Variants in MISP observed in about 807,000 individuals in gnomAD.
The protein encoded by MISP is mitotic interactor and substrate of PLK1.
MISP carries 51 observed loss-of-function variants against 49.3 expected under a neutral mutation model. The observed-to-expected ratio is 1.03, with a 90% CI of 0.83 to 1.31. The LOEUF (loss-of-function observed/expected upper bound fraction) is 1.31, where lower values mean the gene tolerates loss of function less well. Among genes scored for constraint, MISP ranks in the 50% most tolerant of loss-of-function variants. MISP has a pLI of 0.00. For synonymous variants in MISP, 444 were observed against 392.6 expected (o/e 1.13, Z -1.55); for missense variants, 1,084 against 935.1 (o/e 1.16, Z -2.08).
chr19:749,784 A>C (rs935991840), upstream of MISP, among the ~76,000 whole-genome samples: 10 of 152,038 alleles, frequency 6.6e-5, no homozygotes, highest in African/African-American at 2.4e-4. Context: ...AGATCGTGCC[A>C]CTGCACTCCA....
At chr19:760,301 A>T in intron 3 of MISP, 1 of 404,890 alleles carries the variant, frequency 2.5e-6, no homozygotes, top group Non-Finnish European at 4.5e-6. Flanking sequence ...CAAAGACCAA[A>T]GGACCAACTC....
chr19:751,772 G>A (rs1018587490), intron 1 of MISP, among the ~76,000 whole-genome samples: 46 of 152,290 alleles, frequency 3.0e-4, no homozygotes, highest in African/African-American at 1.0e-3. Context: ...AGCGTCTGCC[G>A]GTGGAGCTCC....
Position 760,053 on chromosome 19 carries a change from C to G in MISP, c.1911+14C>G, listed in dbSNP as rs768255410. 6.2e-7 allele frequency: 1 copy of G among 1,613,206 alleles called. No homozygotes were observed. Among genetic ancestry groups the G allele is most frequent in the Non-Finnish European group, 8.5e-7 (1 of 1,179,540 alleles). ...AAGGAGCAATGGGTGAGTCTGGAAC[C>G]CGTCTCTGCAGAGGCCAGGCTGAGG... is the stretch of plus-strand genomic sequence containing the variant. On this transcript the variant is annotated intron_variant, in intron 3 of 4. Coordinates refer to ENST00000215582, the MANE Select transcript of MISP (RefSeq NM_173481.4).
In MISP at chr19:764,122, G is replaced by A. The variant is rs951921253; in HGVS notation, c.*532G>A. The A allele has an allele frequency of 6.5e-6, 1 of 153,614 alleles. No individual in the cohort carries two copies. The highest frequency in any genetic ancestry group is 2.4e-5 in the African/African-American group (1 of 41,462). The allele number at this position is 153,614 out of a possible 1,614,324, so 9.5% of individuals were successfully genotyped here. A position where few individuals can be genotyped will look rare whatever the true frequency, so the allele number is the denominator to read the frequency against. ...GAGGAGGCCAAACTCCCAGTGCTGG[G>A]GGTCCCTGTGCAGCCCTCAAACCCT... On this transcript the variant is annotated 3_prime_UTR_variant, in exon 5 of 5. Transcript: ENST00000215582.
intron 4 of MISP, 36 bp downstream of exon 4, chr19:761,699 T>TC (rs753051312): frequency 6.8e-6 from 11 of 1,611,798 alleles, no homozygotes; most frequent in East Asian, 4.5e-5. Context: ...CTCAAGTCTT[T>TC]CCCCCCCACA....
rs762452224 is a variant in MISP, at chr19:758,459, C to T, written c.1513C>T (p.Arg505Cys). Residue 505 changes from arginine (R) to cysteine (C), a missense_variant, in exon 2 of 5, where the codon CGC (arginine) becomes TGC (cysteine). By Grantham distance (180) the Arg-to-Cys change is radical. Transcript: ENST00000215582. ...GGGTGTCGTGCGGTGGGAGTACTTC[C>T]GCCTGCGTCCTCTGCGGTTCAGGGC... ...NRGVVRWEYF[R>C]LRPLRFRAPD... is the part of the protein sequence containing the mutation. The T allele has an allele frequency of 3.1e-5, 50 of 1,614,018 alleles. No homozygotes were observed. Among genetic ancestry groups the T allele is most frequent in the Admixed American group, 6.7e-5 (4 of 59,998 alleles).
At chr19:760,089 C>T in intron 3 of MISP, 50 bp downstream of exon 3, 1 of 1,605,930 alleles carries the variant, frequency 6.2e-7, no homozygotes, top group Non-Finnish European at 8.5e-7. Context: ...TCAGACAGCC[C>T]CTATTAGGGC....
At chr19:750,042 G>A (rs1235899244), upstream of MISP, among the ~76,000 whole-genome samples, 1 of 152,108 alleles carries the variant, frequency 6.6e-6, no homozygotes, top group East Asian at 1.9e-4. Flanking sequence ...CCAGTGGCCC[G>A]ACTTCCCCAC....
chr19:748,781 C>G (rs899104106), upstream of MISP, among the ~76,000 whole-genome samples: 2 of 152,232 alleles, frequency 1.3e-5, no homozygotes, highest in Non-Finnish European at 2.9e-5. Context: ...CAGCCCCACT[C>G]TCTCACGCTG....
At chr19:761,161 C>T (rs569831856) in intron 3 of MISP, among the ~76,000 whole-genome samples, 1 of 136,238 alleles carries the variant, frequency 7.3e-6, no homozygotes, top group South Asian at 2.6e-4. Context: ...ACGATCTTGG[C>T]TCACTGCAAC....
chr19:761,684 G>T, intron 4 of MISP, 21 bp downstream of exon 4: 1 of 1,613,906 alleles, frequency 6.2e-7, no homozygotes. Context: ...TCCTGGGCAC[G>T]AAGACTCAAG....
intron 3 of MISP, chr19:760,525 C>A (rs972055431): frequency 1.9e-5 from 3 of 154,668 alleles, no homozygotes; most frequent in Admixed American, 1.3e-4. Context: ...ACCACCACGC[C>A]CGGCTAATTT....
chr19:750,857 G>A (rs2033449890), upstream of MISP, among the ~76,000 whole-genome samples: 1 of 152,194 alleles, frequency 6.6e-6, no homozygotes, highest in Admixed American at 6.5e-5. Context: ...GGCGGTGGGA[G>A]GGCCAGGCAG....
chr19:752,670 G>A (rs1018300893), intron 1 of MISP, among the ~76,000 whole-genome samples: 1 of 132,676 alleles, frequency 7.5e-6, no homozygotes, highest in South Asian at 2.6e-4. Flanking sequence ...AGGAGGATGC[G>A]TGCCTTCATC....
chr19:751,778 G>A (rs537279832), intron 1 of MISP, among the ~76,000 whole-genome samples: 1 of 152,302 alleles, frequency 6.6e-6, no homozygotes, highest in Admixed American at 6.5e-5. Flanking sequence ...TGCCGGTGGA[G>A]CTCCGCCCAG....
intron 1 of MISP, 110 bp from the exon 2 acceptor site, chr19:756,780 A>G (rs2033556403): frequency 1.6e-6 from 1 of 621,284 alleles, no homozygotes; most frequent in Non-Finnish European, 2.8e-6. Flanking sequence ...CCATCCCTAA[A>G]CCAATCACAA....
At chr19:754,280 T>C (rs527719079) in intron 1 of MISP, among the ~76,000 whole-genome samples, 12 of 152,238 alleles carry the variant, frequency 7.9e-5, no homozygotes, top group East Asian at 3.9e-4. Flanking sequence ...CTGGCTAATA[T>C]GGTGAAACCC....
intron 4 of MISP, among the ~76,000 whole-genome samples, chr19:763,127 A>T (rs892832915): frequency 1.3e-5 from 2 of 152,324 alleles, no homozygotes; most frequent in Non-Finnish European, 2.9e-5. Flanking sequence ...AATACAAAAA[A>T]TTAGCCAGGC....
Position 757,534 on chromosome 19 carries a change from G to A in MISP, c.588G>A (p.Ala196=), listed in dbSNP as rs141357485. The change falls in exon 2 of 5, where the codon GCG becomes GCA. Residue 196 remains alanine, a synonymous_variant. Coordinates refer to ENST00000215582, the MANE Select transcript of MISP (RefSeq NM_173481.4). ...VDREQIDFLA[A]RQQFLSLEQA... is the part of the protein sequence containing the mutation. ...GGGAGCAGATTGACTTCCTGGCAGC[G>A]AGACAGCAGTTCCTGAGTCTGGAGC... is the stretch of plus-strand genomic sequence containing the variant. 502 of 1,611,648 alleles carry A rather than the reference G, an allele frequency of 3.1e-4. No individual in the cohort carries two copies. The highest frequency in any genetic ancestry group is 1.7e-4 in the Middle Eastern group (1 of 6,060).
Sources: allele counts gnomAD v4.1 joint callset (sites outside exome capture counted in the v4.1 genomes callset), GRCh38; gene constraint gnomAD v4.1.1; transcripts MANE v1.5; gene names NCBI Gene and HGNC (gene_info 2026-07-23, HGNC 2026-07-21).